PPP1R9A: variants seen among roughly 807,000 people sequenced by gnomAD.
PPP1R9A encodes protein phosphatase 1 regulatory subunit 9A.
A neutral mutation model predicts 141.9 loss-of-function variants in PPP1R9A; 59 were observed. The ratio of observed to expected loss-of-function variants is 0.42; its 90% CI spans 0.34 to 0.52. PPP1R9A has a LOEUF of 0.52. Among genes scored for constraint, PPP1R9A ranks in the 20% least tolerant of loss-of-function variants. PPP1R9A has a pLI of 0.10. For synonymous variants in PPP1R9A, 500 were observed against 569.7 expected (o/e 0.88, Z 1.74); for missense variants, 1,444 against 1,611.9 (o/e 0.90, Z 1.78).
intron 2 of PPP1R9A, among the ~76,000 whole-genome samples, chr7:94,915,365 C>T (rs1303494630): frequency 3.3e-5 from 5 of 152,066 alleles, no homozygotes; most frequent in African/African-American, 4.8e-5. Flanking sequence ...TTTGTCTTTG[C>T]GGAGGCTTCC....
intron 7 of PPP1R9A, among the ~76,000 whole-genome samples, chr7:95,224,525 G>A (rs1207986208): frequency 1.3e-5 from 2 of 151,990 alleles, no homozygotes; most frequent in South Asian, 2.1e-4. Context: ...AGAGAAATGT[G>A]GAAAAGTTGG....
intron 12 of PPP1R9A, among the ~76,000 whole-genome samples, chr7:95,261,798 G>A (rs1167464662): frequency 1.3e-5 from 2 of 152,024 alleles, no homozygotes; most frequent in East Asian, 3.9e-4. Flanking sequence ...ACTATTACTA[G>A]GAGACTGACA....
chr7:95,004,639 A>G (rs1170505144), intron 2 of PPP1R9A, among the ~76,000 whole-genome samples: 2 of 152,224 alleles, frequency 1.3e-5, no homozygotes, highest in Non-Finnish European at 2.9e-5. Context: ...AATCCAGAGT[A>G]CTCATGCATA....
chr7:95,162,150 A>G (rs1256071399), intron 5 of PPP1R9A, among the ~76,000 whole-genome samples, 179 bp downstream of exon 5: 2 of 152,230 alleles, frequency 1.3e-5, no homozygotes, highest in African/African-American at 4.8e-5. Flanking sequence ...ATAGAATTTA[A>G]AATTACAAAT....
In PPP1R9A at chr7:94,910,248, A is replaced by C; in HGVS notation, c.135A>C (p.Thr45=). 1 of 1,614,130 alleles carries C rather than the reference A, an allele frequency of 6.2e-7. No homozygotes were observed. Among genetic ancestry groups the C allele is most frequent in the Non-Finnish European group, 8.5e-7 (1 of 1,180,030 alleles). ...CCAAGTCAGATGGGGAACAAAAAAC[A>C]AAAGAAGGTGAGGGCTCCCAGCAGA... ...DKPKSDGEQK[T]KEGEGSQQSR... The change falls in exon 2 of 20, where the codon ACA becomes ACC. Residue 45 remains threonine (T), a synonymous_variant. Transcript: ENST00000433360. The surrounding 1 kb of genome is among the most constrained non-coding windows in gnomAD (Gnocchi z 4.5).
chr7:95,043,574 G>T (rs931035457), intron 2 of PPP1R9A, among the ~76,000 whole-genome samples: 4 of 152,060 alleles, frequency 2.6e-5, no homozygotes, highest in Admixed American at 2.0e-4. Flanking sequence ...TTGTTCTCCA[G>T]GTACCCCCTC....
chr7:94,947,872 CA>C (rs1378946754), intron 2 of PPP1R9A, among the ~76,000 whole-genome samples: 1 of 152,026 alleles, frequency 6.6e-6, no homozygotes, highest in East Asian at 1.9e-4. Context: ...AAGCTTGTTT[CA>C]AAAATGTAGC....
chr7:95,171,873 A>G (rs1832165209), intron 5 of PPP1R9A, among the ~76,000 whole-genome samples: 1 of 151,644 alleles, frequency 6.6e-6, no homozygotes, highest in African/African-American at 2.4e-5. Flanking sequence ...ACAAACTATC[A>G]CAAACCAATA....
intron 2 of PPP1R9A, among the ~76,000 whole-genome samples, chr7:95,097,190 A>AT (rs1324206107): frequency 2.0e-5 from 3 of 151,872 alleles, no homozygotes; most frequent in Non-Finnish European, 2.9e-5. Flanking sequence ...CGCCCAGCTA[A>AT]TTTTTTTGTA....
intron 2 of PPP1R9A, among the ~76,000 whole-genome samples, chr7:94,915,031 A>G (rs1035092818): frequency 2.0e-5 from 3 of 152,146 alleles, no homozygotes; most frequent in African/African-American, 7.2e-5. Flanking sequence ...TTGTGTTACA[A>G]TGGATTGTTA....
chr7:95,234,489 A>G (rs1054822337), intron 8 of PPP1R9A, among the ~76,000 whole-genome samples: 13 of 152,210 alleles, frequency 8.5e-5, no homozygotes, highest in East Asian at 1.9e-4. Context: ...AAAGACCTCT[A>G]TAAGGAAAAC....
chr7:95,035,490 T>A (rs562128838), intron 2 of PPP1R9A, among the ~76,000 whole-genome samples: 3 of 152,206 alleles, frequency 2.0e-5, no homozygotes, highest in Non-Finnish European at 4.4e-5. Flanking sequence ...TGATCTGTTA[T>A]CCTCTGAGAT....
chr7:94,964,134 T>G (rs1290049781), intron 2 of PPP1R9A, among the ~76,000 whole-genome samples: 12 of 152,154 alleles, frequency 7.9e-5, no homozygotes, highest in Admixed American at 7.9e-4. Flanking sequence ...CAAAATGTTT[T>G]GAATTTCTGG....
intron 2 of PPP1R9A, among the ~76,000 whole-genome samples, chr7:94,920,444 C>G (rs966599967): frequency 6.6e-6 from 1 of 151,690 alleles, no homozygotes; most frequent in African/African-American, 2.4e-5. Flanking sequence ...AAGAAGACAG[C>G]GAAATACAGT....
chr7:95,287,825 A>G (rs1256129023), intron 18 of PPP1R9A, among the ~76,000 whole-genome samples: 3 of 152,138 alleles, frequency 2.0e-5, no homozygotes, highest in South Asian at 2.1e-4. Flanking sequence ...AACTGGGATT[A>G]CAGGCATGCG....
At chr7:95,062,374 C>T (rs971861953) in intron 2 of PPP1R9A, among the ~76,000 whole-genome samples, 1 of 151,524 alleles carries the variant, frequency 6.6e-6, no homozygotes, top group Non-Finnish European at 1.5e-5. Flanking sequence ...GCAGGTCTTT[C>T]TTGCTCCTTC....
chr7:95,071,846 AT>A (rs1584531326), intron 2 of PPP1R9A, among the ~76,000 whole-genome samples: 1 of 151,920 alleles, frequency 6.6e-6, no homozygotes, highest in East Asian at 1.9e-4. Flanking sequence ...CACTATTACG[AT>A]TTGAAATTGG....
chr7:95,239,112 C>G (rs572249760), intron 8 of PPP1R9A, among the ~76,000 whole-genome samples: 2 of 152,112 alleles, frequency 1.3e-5, no homozygotes, highest in East Asian at 3.9e-4. Flanking sequence ...GTAAAAGTGA[C>G]ACGATGTGTT....
At chr7:95,025,453 A>T (rs1165693660) in intron 2 of PPP1R9A, among the ~76,000 whole-genome samples, 1 of 152,160 alleles carries the variant, frequency 6.6e-6, no homozygotes, top group East Asian at 1.9e-4. Flanking sequence ...TGTTAGCCTG[A>T]TGGGCTTGCC....
Sources: allele counts gnomAD v4.1 joint callset (sites outside exome capture counted in the v4.1 genomes callset), GRCh38; gene constraint gnomAD v4.1.1; non-coding constraint Gnocchi (gnomAD v3.1); transcripts MANE v1.5; gene names NCBI Gene and HGNC (gene_info 2026-07-23, HGNC 2026-07-21).